TLE4: variants seen among roughly 807,000 people sequenced by gnomAD.
TLE4 encodes TLE family member 4, transcriptional corepressor.
TLE4 carries 8 observed loss-of-function variants against 92.8 expected under a neutral mutation model. The ratio of observed to expected loss-of-function variants is 0.09; its 90% CI spans 0.05 to 0.16. The LOEUF is 0.16. Among genes scored for constraint, TLE4 ranks in the 10% least tolerant of loss-of-function variants. TLE4 has a pLI of 1.00. For missense variants in TLE4, 675 were observed against 997.6 expected, an observed-to-expected ratio of 0.68 and a Z score of 4.36; for synonymous variants, 371 against 374.1, an observed-to-expected ratio of 0.99 and a Z score of 0.10.
intron 4 of TLE4, among the ~76,000 whole-genome samples, chr9:79,585,806 C>T (rs1335813687): frequency 6.6e-6 from 1 of 151,602 alleles, no homozygotes; most frequent in Non-Finnish European, 1.5e-5. Context: ...CTTTCTCATC[C>T]TTTTTTTTCA....
chr9:79,601,146 A>G (rs2045550821), intron 4 of TLE4, among the ~76,000 whole-genome samples: 1 of 152,206 alleles, frequency 6.6e-6, no homozygotes, highest in Non-Finnish European at 1.5e-5. Flanking sequence ...AAGGTTTCAG[A>G]TAGGAAGCTT....
At chr9:79,574,787 T>A (rs1037181771) in intron 2 of TLE4, 86 bp from the exon 3 acceptor site, 1 of 1,122,060 alleles carries the variant, frequency 8.9e-7, no homozygotes, top group Admixed American at 1.8e-5. Flanking sequence ...TTTAGTTGTT[T>A]GTAGGTGAGA....
At chr9:79,639,523 G>A (rs1264140749) in intron 6 of TLE4, among the ~76,000 whole-genome samples, 1 of 152,116 alleles carries the variant, frequency 6.6e-6, no homozygotes, top group Non-Finnish European at 1.5e-5. Flanking sequence ...GTTCATTAAT[G>A]TCCTAGGCCT....
Position 79,725,519 on chromosome 9 carries a change from A to G in TLE4, c.*375A>G, listed in dbSNP as rs990169824. On this transcript the variant is annotated 3_prime_UTR_variant, in exon 20 of 20. Coordinates refer to ENST00000376552, the MANE Select transcript of TLE4 (RefSeq NM_007005.6). ...TGATAATGAAGGTGCGTTGTATTTG[A>G]TACCCCTCCCCCCCTTTTTTTGGCA... The G allele has an allele frequency of 6.0e-6, 1 of 166,750 alleles. No homozygotes were observed. Among genetic ancestry groups the G allele is most frequent in the Non-Finnish European group, 1.3e-5 (1 of 76,984 alleles). 10.3% of individuals were successfully genotyped at this position (166,750 alleles called of 1,614,324 possible).
At chr9:79,602,037 T>G (rs1332911109) in intron 4 of TLE4, among the ~76,000 whole-genome samples, 1 of 152,178 alleles carries the variant, frequency 6.6e-6, no homozygotes, top group Non-Finnish European at 1.5e-5. Flanking sequence ...GCCATAATAT[T>G]CCCTTAAGCC....
chr9:79,716,619 G>A (rs1433699012), intron 14 of TLE4, among the ~76,000 whole-genome samples: 1 of 152,164 alleles, frequency 6.6e-6, no homozygotes, highest in Non-Finnish European at 1.5e-5. Flanking sequence ...TAATTAGCAC[G>A]CTTTCTTGCT....
chr9:79,575,432 T>C (rs1397435521), intron 3 of TLE4, among the ~76,000 whole-genome samples: 1 of 152,196 alleles, frequency 6.6e-6, no homozygotes. Context: ...TTTTTTTCTC[T>C]TTATGTTACT....
intron 14 of TLE4, among the ~76,000 whole-genome samples, chr9:79,711,343 T>C (rs1382647765): frequency 1.4e-5 from 2 of 147,146 alleles, no homozygotes; most frequent in African/African-American, 2.5e-5. Flanking sequence ...GACTAACAAG[T>C]CTTATTGACC....
chr9:79,658,718 C>T (rs780400790), intron 8 of TLE4, among the ~76,000 whole-genome samples: 5 of 152,026 alleles, frequency 3.3e-5, no homozygotes, highest in African/African-American at 4.8e-5. Flanking sequence ...GGAGTTTTAC[C>T]GTTTGGGAGA....
chr9:79,572,815 T>A lies in TLE4; in HGVS notation c.25T>A (p.Tyr9Asn). 6.3e-7 allele frequency: 1 copy of A among 1,599,686 alleles called. No homozygotes were observed. The highest frequency in any genetic ancestry group is 8.5e-7 in the Non-Finnish European group (1 of 1,174,076). Residue 9 changes from tyrosine (Y) to asparagine (N), a missense_variant, in exon 1 of 20, where the codon TAC becomes AAC. By Grantham distance (143) the Tyr-to-Asn change is moderately radical. Transcript: ENST00000376552. MIRDLSKM[Y>N]PQTRHPAPHQ... ...GATGATTCGCGACCTGAGCAAGATG[T>A]ACCCGCAGACCAGACACCCAGTGAG...
chr9:79,620,301 A>G (rs540411908), intron 5 of TLE4, among the ~76,000 whole-genome samples: 2 of 152,378 alleles, frequency 1.3e-5, no homozygotes, highest in African/African-American at 4.8e-5. Flanking sequence ...TACTCTAGCT[A>G]CATTTCAAGT....
chr9:79,720,918 G>A (rs1297610219), intron 16 of TLE4, among the ~76,000 whole-genome samples: 1 of 152,042 alleles, frequency 6.6e-6, no homozygotes, highest in Non-Finnish European at 1.5e-5. Flanking sequence ...TAAAAGATTG[G>A]TGTTGGTAGA....
At chr9:79,597,865 T>C (rs1214578757) in intron 4 of TLE4, among the ~76,000 whole-genome samples, 1 of 152,048 alleles carries the variant, frequency 6.6e-6, no homozygotes, top group African/African-American at 2.4e-5. Context: ...TTCTGAACAT[T>C]AAGTGAAATA....
chr9:79,682,274 A>G (rs2064868380), intron 8 of TLE4, among the ~76,000 whole-genome samples: 1 of 152,134 alleles, frequency 6.6e-6, no homozygotes, highest in Non-Finnish European at 1.5e-5. Context: ...ACCTGGCTTG[A>G]AGTGATGTAA....
chr9:79,684,473 GCAGGGATCTATTGTGAACTGTGCAA>G, intron 8 of TLE4, among the ~76,000 whole-genome samples: 1 of 39,364 alleles, frequency 2.5e-5, no homozygotes, highest in South Asian at 2.1e-3. Flanking sequence ...ACTGTGCAAT[GCAGGGATCTATTGTGAACTGTGCAA>G]TGCAGGGATC....
At chr9:79,695,015 G>T (rs968572154) in intron 8 of TLE4, among the ~76,000 whole-genome samples, 6 of 152,146 alleles carry the variant, frequency 3.9e-5, no homozygotes, top group African/African-American at 1.4e-4. Context: ...GACAGCTGAG[G>T]AGTGTGTGAT....
At chr9:79,622,115 T>G (rs145104900) in intron 5 of TLE4, among the ~76,000 whole-genome samples, 1,721 of 152,350 alleles carry the variant, frequency 0.011, 39 homozygotes, top group African/African-American at 0.039. Flanking sequence ...CAAAGCCCTT[T>G]GCTGTTTGGC....
intron 10 of TLE4, 96 bp downstream of exon 10, chr9:79,706,038 C>T (rs2071470745): frequency 5.8e-6 from 7 of 1,214,382 alleles, no homozygotes; most frequent in East Asian, 4.6e-5. Flanking sequence ...TGAGGTTTGT[C>T]GTTTTGTTAT....
chr9:79,688,699 C>T (rs538455293), intron 8 of TLE4, among the ~76,000 whole-genome samples: 10 of 151,380 alleles, frequency 6.6e-5, no homozygotes, highest in South Asian at 2.1e-4. Context: ...GGAAGAATGC[C>T]GTATAAAACA....
Sources: gnomAD v4.1 joint callset for allele counts (sites outside exome capture counted in the v4.1 genomes callset) on GRCh38, gnomAD v4.1.1 for gene constraint, MANE v1.5 for transcripts, NCBI Gene and HGNC (gene_info 2026-07-23, HGNC 2026-07-21) for gene names.